The following CCNL1 variants were observed in gnomAD, a reference collection of about 807,000 sequenced individuals.
CCNL1 encodes cyclin-L1.
Under a neutral mutation model 60.6 loss-of-function variants are expected in CCNL1, and 13 were observed. The observed-to-expected ratio is 0.21, with a 90% CI of 0.14 to 0.34. The LOEUF is 0.34. Among genes scored for constraint, CCNL1 ranks in the 10% least tolerant of loss-of-function variants. The probability of loss-of-function intolerance (pLI) is 1.00; values close to 1 mark genes in which losing one functional copy is unlikely to be tolerated. For synonymous variants in CCNL1, 270 were observed against 244.3 expected (o/e 1.10, Z -0.98); for missense variants, 481 against 664.3 (o/e 0.72, Z 3.03).
chr3:157,148,999 TAA>T (rs111766647), intron 10 of CCNL1: 1,717 of 282,710 alleles, frequency 6.1e-3, no homozygotes, highest in East Asian at 0.011. Context: ...TAACTGAAAT[TAA>T]AAAAAAAAAA....
At chr3:157,158,809 AC>A (rs1256123140) in intron 3 of CCNL1, 56 bp downstream of exon 3, 6 of 1,055,370 alleles carry the variant, frequency 5.7e-6, no homozygotes, top group Non-Finnish European at 7.1e-6. Flanking sequence ...TGATTTGATG[AC>A]TGGTGCACGG....
At chr3:157,152,319 G>GA in intron 4 of CCNL1, 78 bp from the exon 5 acceptor site, 1 of 1,552,858 alleles carries the variant, frequency 6.4e-7, no homozygotes, top group Non-Finnish European at 8.7e-7. Flanking sequence ...AAAAGTAATT[G>GA]AAAATGTTAG....
At position 157,160,041 on chromosome 3, in the gene CCNL1, G is replaced by C; in HGVS notation, c.54C>G (p.Ala18=). ...AGCTGGAGCCGCCCGCGCTTGGGGC[G>C]GCCGATGAGGCGGCTGCGGCAGCAG... is the stretch of plus-strand genomic sequence containing the variant. ...TATAAAAASS[A]APSAGGSSSG... is the part of the protein sequence containing the mutation. Residue 18 remains alanine, a synonymous_variant, in exon 1 of 11, where the codon GCC becomes GCG. Transcript: ENST00000295926. 1 of 1,564,766 alleles carries C rather than the reference G, an allele frequency of 6.4e-7. No homozygotes were observed.
At position 157,148,079 on chromosome 3, in the gene CCNL1, T is replaced by C. The variant is rs1455181925; in HGVS notation, c.*162A>G. ...ATTTTAATGTGCAAAAAAATTAACA[T>C]AGTTCTTTTCAAAAGAAACTGTCCT... On this transcript the variant is annotated 3_prime_UTR_variant, in exon 11 of 11. Transcript: ENST00000295926. 2.1e-6 allele frequency: 3 copies of C among 1,397,454 alleles called. No individual in the cohort carries two copies. The highest frequency in any genetic ancestry group is 1.4e-5 in the African/African-American group (1 of 69,136). 86.6% of individuals were successfully genotyped at this position (1,397,454 alleles called of 1,614,324 possible).
chr3:157,150,273 T>A lies in CCNL1; in HGVS notation c.774+9A>T. ...ATCCTACAGAACAAAATGGGAAATA[T>A]ACACCTACCTGAAGTGCTCTAGCTG... On this transcript the variant is annotated intron_variant, in intron 6 of 10. Transcript: ENST00000295926. The A allele has an allele frequency of 6.2e-7, 1 of 1,613,610 alleles. No homozygotes were observed. Among genetic ancestry groups the A allele is most frequent in the Non-Finnish European group, 8.5e-7 (1 of 1,179,682 alleles).
chr3:157,143,629 G>C (rs1272334724), downstream of CCNL1, among the ~76,000 whole-genome samples: 1 of 152,154 alleles, frequency 6.6e-6, no homozygotes, highest in African/African-American at 2.4e-5. Flanking sequence ...TTCAGTTAGT[G>C]GTAAGCATTA....
chr3:157,159,097 T>C, intron 2 of CCNL1, 122 bp from the exon 3 acceptor site: 1 of 690,922 alleles, frequency 1.4e-6, no homozygotes, highest in Non-Finnish European at 2.5e-6. Flanking sequence ...ATGCCGTAAG[T>C]CTACCAGCTA....
At chr3:157,151,267 C>A (rs1738169409) in intron 5 of CCNL1, 5 of 985,346 alleles carry the variant, frequency 5.1e-6, no homozygotes, top group African/African-American at 3.5e-5. Context: ...GCTGGGAAGC[C>A]CAGAATATAA....
At chr3:157,152,926 C>T (rs1738308397) in intron 4 of CCNL1, 110 bp downstream of exon 4, 20 of 1,522,652 alleles carry the variant, frequency 1.3e-5, no homozygotes, top group South Asian at 3.9e-5. Context: ...TAAAAGAATG[C>T]TTTTTAAAAC....
chr3:157,152,574 G>A, intron 4 of CCNL1: 1 of 1,078,464 alleles, frequency 9.3e-7, no homozygotes, highest in Non-Finnish European at 1.1e-6. Context: ...TCCTGACCCG[G>A]GTAACTCACT....
chr3:157,149,998 T>A (rs1428248889), intron 7 of CCNL1, 21 bp from the exon 8 acceptor site: 2 of 1,516,562 alleles, frequency 1.3e-6, no homozygotes, highest in African/African-American at 1.4e-5. Context: ...AAAAAAAAGT[T>A]AGTATTTCTT....
rs1227793903 is a variant in CCNL1, at chr3:157,159,855, C to T, written c.240G>A (p.Thr80=). Reference sequence around the variant, plus strand: ...GCTCGCAGCCCAGGATGCGTAAGTCCGTCTCACTGGGCAGGTCGAGCCCAT... The same window carrying T: ...GCTCGCAGCCCAGGATGCGTAAGTCTGTCTCACTGGGCAGGTCGAGCCCAT... ...MQDGLDLPSE[T]DLRILGCELI... The change falls in exon 1 of 11, where the codon ACG becomes ACA. Residue 80 remains threonine, a synonymous_variant. Coordinates refer to ENST00000295926, the MANE Select transcript of CCNL1 (RefSeq NM_020307.4). 35 of 1,574,390 alleles carry T rather than the reference C, an allele frequency of 2.2e-5. No individual in the cohort carries two copies. The highest frequency in any genetic ancestry group is 4.1e-5 in the African/African-American group (3 of 74,012).
intron 3 of CCNL1, among the ~76,000 whole-genome samples, chr3:157,155,238 T>C (rs2108129574): frequency 6.6e-6 from 1 of 152,288 alleles, no homozygotes; most frequent in South Asian, 2.1e-4. Context: ...AGTTGTCTCA[T>C]TTTTCTCCAT....
chr3:157,159,748 G>A (rs745424781), intron 1 of CCNL1, 44 bp downstream of exon 1: 46 of 1,447,628 alleles, frequency 3.2e-5, no homozygotes, highest in South Asian at 6.6e-5. Flanking sequence ...GGGGACGGAG[G>A]AGAGGAGAGG....
At chr3:157,154,336 A>T (rs2108126397) in intron 3 of CCNL1, 1 of 152,310 alleles carries the variant, frequency 6.6e-6, no homozygotes, top group South Asian at 2.1e-4. Flanking sequence ...ACCAACAAAA[A>T]CTACTATTTT....
chr3:157,158,823 C>T, intron 3 of CCNL1, 43 bp downstream of exon 3: 1 of 1,226,100 alleles, frequency 8.2e-7, no homozygotes, highest in Non-Finnish European at 1.2e-6. Flanking sequence ...GTGCACGGTA[C>T]AGCAGTAGCA....
intron 3 of CCNL1, chr3:157,154,768 C>CA (rs1738474051): frequency 6.6e-6 from 1 of 152,134 alleles, no homozygotes; most frequent in African/African-American, 2.4e-5. Flanking sequence ...TTTCATTCCT[C>CA]ACACCTATGA....
Position 157,148,276 on chromosome 3 carries a change from C to A in CCNL1, c.1546G>T (p.Gly516Cys). 6.2e-7 allele frequency: 1 copy of A among 1,614,128 alleles called. No individual in the cohort carries two copies. Among genetic ancestry groups the A allele is most frequent in the Non-Finnish European group, 8.5e-7 (1 of 1,180,014 alleles). ...TGCCTGCCATGTCCTGAGCGACTGC[C>A]ACCATGGTGCTTGCTTTTATGGGAC... is the stretch of plus-strand genomic sequence containing the variant. ...ERSHKSKHHGGSRSGHGRHRR is the reference protein window; with the variant it reads ...ERSHKSKHHGCSRSGHGRHRR Residue 516 changes from glycine to cysteine, a missense_variant, in exon 11 of 11, where the codon GGC (glycine) becomes TGC (cysteine). By Grantham distance (159) the Gly-to-Cys change is radical (BLOSUM62 -3). This residue lies in a region of CCNL1 where 197 missense variants were observed against 233.9 expected (regional missense o/e 0.84). Transcript: ENST00000295926.
intron 5 of CCNL1, chr3:157,150,836 A>T (rs1738133399): frequency 2.0e-6 from 2 of 987,186 alleles, no homozygotes; most frequent in Admixed American, 1.2e-4. Context: ...TAACAGGGGT[A>T]AAAAGGCATT....
Sources: allele counts gnomAD v4.1 joint callset (sites outside exome capture counted in the v4.1 genomes callset), GRCh38; gene constraint gnomAD v4.1.1; regional missense constraint gnomAD v4.1.1; transcripts MANE v1.5; gene names NCBI Gene and HGNC (gene_info 2026-07-23, HGNC 2026-07-21).